Variants in BICD1 observed in about 807,000 individuals in gnomAD.
BICD1 encodes BICD cargo adaptor 1.
Under a neutral mutation model 92.5 loss-of-function variants are expected in BICD1, and 35 were observed. That is an observed-to-expected ratio of 0.38 (90% CI 0.29 to 0.50). The LOEUF (loss-of-function observed/expected upper bound fraction) is 0.50. BICD1 is among the 20% of genes least tolerant of loss of function. BICD1 has a pLI of 0.93. For missense variants in BICD1, 950 were observed against 1,189.8 expected (o/e 0.80, Z 2.97); for synonymous variants, 429 against 465.1 (o/e 0.92, Z 1.00).
At chr12:32,176,501 A>G (rs1327571456) in intron 1 of BICD1, among the ~76,000 whole-genome samples, 1 of 152,228 alleles carries the variant, frequency 6.6e-6, no homozygotes, top group African/African-American at 2.4e-5. Context: ...ATGCATGTAT[A>G]CAACCACTGC....
At chr12:32,110,934 A>G (rs1421235163) in intron 1 of BICD1, among the ~76,000 whole-genome samples, 1 of 151,912 alleles carries the variant, frequency 6.6e-6, no homozygotes, top group Non-Finnish European at 1.5e-5. Context: ...ACATGTATAC[A>G]TATGTAACTA....
chr12:32,344,199 C>A (rs150357827), intron 8 of BICD1, among the ~76,000 whole-genome samples: 6 of 152,228 alleles, frequency 3.9e-5, no homozygotes, highest in African/African-American at 1.4e-4. Context: ...GCAAGGCTGG[C>A]CATGAAAGGT....
chr12:32,221,134 C>T (rs1057284616), intron 2 of BICD1, among the ~76,000 whole-genome samples: 2 of 150,716 alleles, frequency 1.3e-5, no homozygotes, highest in African/African-American at 4.9e-5. Flanking sequence ...AGGAGATACA[C>T]CTAATGCTAA....
intron 2 of BICD1, among the ~76,000 whole-genome samples, chr12:32,245,835 G>A (rs144454234): frequency 7.9e-5 from 12 of 151,730 alleles, no homozygotes; most frequent in African/African-American, 2.7e-4. Flanking sequence ...TTCGAGACCA[G>A]TCTGGCCAAC....
At chr12:32,252,430 A>C (rs1262174162) in intron 2 of BICD1, among the ~76,000 whole-genome samples, 2 of 152,018 alleles carry the variant, frequency 1.3e-5, no homozygotes, top group Non-Finnish European at 2.9e-5. Context: ...TAGTGGGAGC[A>C]GGTGGGTGGC....
At chr12:32,296,337 A>G (rs1302189386) in intron 3 of BICD1, among the ~76,000 whole-genome samples, 1 of 138,590 alleles carries the variant, frequency 7.2e-6, no homozygotes, top group Non-Finnish European at 1.5e-5. Context: ...GGCTCACTGC[A>G]ACCTCTGCCT....
At chr12:32,312,965 A>G (rs978858970) in intron 4 of BICD1, among the ~76,000 whole-genome samples, 17 of 152,182 alleles carry the variant, frequency 1.1e-4, no homozygotes, top group Non-Finnish European at 1.8e-4. Flanking sequence ...TTAGAATGAA[A>G]ATAAGTAGAT....
chr12:32,176,787 G>A (rs1456324956), intron 1 of BICD1, among the ~76,000 whole-genome samples: 1 of 152,060 alleles, frequency 6.6e-6, no homozygotes, highest in Non-Finnish European at 1.5e-5. Context: ...TTGTATGAAT[G>A]TCCCACATTT....
intron 1 of BICD1, among the ~76,000 whole-genome samples, chr12:32,203,317 C>T (rs572598884): frequency 6.6e-6 from 1 of 152,250 alleles, no homozygotes; most frequent in African/African-American, 2.4e-5. Context: ...AGCTATAAGG[C>T]AAAGGTTTGG....
intron 1 of BICD1, among the ~76,000 whole-genome samples, chr12:32,150,977 T>C (rs960827127): frequency 2.0e-5 from 3 of 152,182 alleles, no homozygotes; most frequent in African/African-American, 7.2e-5. Context: ...CTTAGCAATT[T>C]TGATAAATCT....
intron 5 of BICD1, among the ~76,000 whole-genome samples, chr12:32,329,774 T>C (rs921391826): frequency 6.6e-6 from 1 of 152,194 alleles, no homozygotes; most frequent in Admixed American, 6.5e-5. Flanking sequence ...ACCTGTCTAA[T>C]TCCCAGCCCT....
chr12:32,338,587 T>A, intron 7 of BICD1, 199 bp from the exon 8 acceptor site: 1 of 463,104 alleles, frequency 2.2e-6, no homozygotes, highest in Non-Finnish European at 3.7e-6. Context: ...TAAATCTTTT[T>A]TCCAGTATCC....
At chr12:32,256,762 AAAGG>A (rs1286970586) in intron 2 of BICD1, among the ~76,000 whole-genome samples, 2 of 152,176 alleles carry the variant, frequency 1.3e-5, no homozygotes, top group African/African-American at 4.8e-5. Context: ...TTATCTGTAA[AAAGG>A]AAGTTATGAG....
intron 1 of BICD1, among the ~76,000 whole-genome samples, chr12:32,193,909 C>G (rs1055549268): frequency 6.6e-6 from 1 of 152,114 alleles, no homozygotes; most frequent in Non-Finnish European, 1.5e-5. Flanking sequence ...CAAGAAAATT[C>G]CAGATCAGTA....
chr12:32,181,630 G>A (rs1309285920), intron 1 of BICD1, among the ~76,000 whole-genome samples: 3 of 151,578 alleles, frequency 2.0e-5, no homozygotes, highest in Non-Finnish European at 4.4e-5. Context: ...TATATGAAGG[G>A]TAATATTTTA....
chr12:32,121,000 G>C (rs1330962114), intron 1 of BICD1, among the ~76,000 whole-genome samples: 1 of 130,344 alleles, frequency 7.7e-6, no homozygotes, highest in African/African-American at 3.0e-5. Flanking sequence ...ACGGAGTCTC[G>C]CGCTATTGCC....
At chr12:32,288,223 A>ATTTTTTTTTTTTTTTTTTTTTTTTT (rs34913740) in intron 2 of BICD1, among the ~76,000 whole-genome samples, 2 of 109,520 alleles carry the variant, frequency 1.8e-5, no homozygotes, top group Non-Finnish European at 1.8e-5. Flanking sequence ...CCAAGTCCTA[A>ATTTTTTTTTTTTTTTTTTTTTTTTT]TTTTTTTTTT....
intron 1 of BICD1, among the ~76,000 whole-genome samples, chr12:32,192,496 C>A (rs1944605035): frequency 6.8e-6 from 1 of 147,728 alleles, no homozygotes; most frequent in Non-Finnish European, 1.5e-5. Flanking sequence ...AGCAAAAAAA[C>A]CTATTACTGA....
In BICD1 at chr12:32,225,621, G is replaced by GTTTTTGT. The variant is rs1411722126; in HGVS notation, c.426+9167_426+9168insGTTTTTT. Among the ~76,000 whole-genome samples, 8 of 92,786 alleles carry GTTTTTGT rather than the reference G, an allele frequency of 8.6e-5. 1 individual carries two copies. The highest frequency in any genetic ancestry group is 1.8e-4 in the African/African-American group (5 of 27,406). 60.9% of individuals were successfully genotyped at this position (92,786 alleles called of 152,430 possible). On this transcript the variant is annotated intron_variant, in intron 2 of 9. Transcript: ENST00000652176. ...TGGTATTTGACAGTTCTTTTTTTCT[G>GTTTTTGT]TTTTTTTTTTTTTTTTTTTTAGACG...
Sources: allele counts gnomAD v4.1 joint callset (sites outside exome capture counted in the v4.1 genomes callset), GRCh38; gene constraint gnomAD v4.1.1; transcripts MANE v1.5; gene names NCBI Gene and HGNC (gene_info 2026-07-23, HGNC 2026-07-21).